PTPRF: variants seen among roughly 807,000 people sequenced by gnomAD.
PTPRF encodes protein tyrosine phosphatase receptor type F.
In PTPRF, 59 loss-of-function variants were observed where a neutral mutation model predicts 201.8. The observed-to-expected ratio is 0.29, with a 90% confidence interval of 0.24 to 0.36. The LOEUF is 0.36. PTPRF is among the 10% of genes least tolerant of loss of function. PTPRF has a pLI of 1.00. For missense variants in PTPRF, 2,132 were observed against 2,690.5 expected, an observed-to-expected ratio of 0.79 and a Z score of 4.59; for synonymous variants, 1,088 against 1,089.7, an observed-to-expected ratio of 1.00 and a Z score of 0.03.
intron 23 of PTPRF, among the ~76,000 whole-genome samples, chr1:43,616,412 G>A (rs559293787): frequency 6.6e-6 from 1 of 152,008 alleles, no homozygotes; most frequent in East Asian, 1.9e-4. Flanking sequence ...CATTTTGGAA[G>A]GATTATTCTG....
At chr1:43,609,268 G>A (rs1448333240) in intron 21 of PTPRF, 115 bp from the exon 22 acceptor site, 6 of 763,172 alleles carry the variant, frequency 7.9e-6, no homozygotes, top group Non-Finnish European at 1.1e-5. Context: ...GAAGAGGTGG[G>A]GCAGTAGGAG....
chr1:43,588,815 C>T lies in PTPRF; in HGVS notation c.764C>T (p.Ala255Val). The change falls in exon 8 of 34, where the codon GCA becomes GTA. Residue 255 changes from alanine to valine, a missense_variant. Physicochemically the swap from Ala to Val is moderately conservative, Grantham distance 64 (BLOSUM62 0). Around this residue, in one of 6 missense-constraint regions of PTPRF, gnomAD observed 297 missense variants for 454.0 expected, o/e 0.65. Transcript: ENST00000359947. This position sits in a 1 kb window ranked among gnomAD's most constrained non-coding sequence, Gnocchi z 5.3. The part of the protein sequence containing the change: ...PGGSVNLTCV[A>V]VGAPMPYVKW... ...GGCAGCGTGAACCTGACATGCGTGG[C>T]AGTGGGTGCACCCATGCCCTACGTG... is the stretch of plus-strand genomic sequence containing the variant. 2 of 1,614,092 alleles carry T rather than the reference C, an allele frequency of 1.2e-6. No individual in the cohort carries two copies. The highest frequency in any genetic ancestry group is 1.7e-6 in the Non-Finnish European group (2 of 1,180,038).
intron 3 of PTPRF, among the ~76,000 whole-genome samples, chr1:43,551,079 G>A (rs1039360576): frequency 2.0e-5 from 3 of 152,138 alleles, no homozygotes; most frequent in Non-Finnish European, 2.9e-5. Flanking sequence ...GCGGGGTGTC[G>A]GGGGAGGCTG....
chr1:43,613,078 G>C lies in PTPRF; in HGVS notation c.3974-540G>C, dbSNP rs886396434. The C allele has an allele frequency of 2.8e-5, 10 of 354,042 alleles. No individual in the cohort carries two copies. The East Asian group carries it at 5.2e-4, about 19-fold the overall frequency. 21.9% of individuals were successfully genotyped at this position (354,042 alleles called of 1,614,324 possible). On this transcript the variant is annotated intron_variant, in intron 22 of 33. Transcript: ENST00000359947. ...CGGCCTGACACCCTTCCTTCTGCGT[G>C]CCTCTACCTCTCATCTCCTCTCCTC...
Position 43,603,283 on chromosome 1 carries a change from T to C in PTPRF, c.2341-133T>C. ...CTCTCCAGCAGAGGCCACCATTGTA[T>C]AGCCCCACCTTCCACAACCCCTGGC... is the stretch of plus-strand genomic sequence containing the variant. On this transcript the variant is annotated intron_variant, in intron 14 of 33. Coordinates refer to ENST00000359947, the MANE Select transcript of PTPRF (RefSeq NM_002840.5). This position sits in a 1 kb window ranked among gnomAD's most constrained non-coding sequence, Gnocchi z 5.8. 1 of 769,604 alleles carries C rather than the reference T, an allele frequency of 1.3e-6. No homozygotes were observed. Among genetic ancestry groups the C allele is most frequent in the Non-Finnish European group, 2.2e-6 (1 of 453,366 alleles). 47.7% of individuals were successfully genotyped at this position (769,604 alleles called of 1,614,324 possible). A position where few individuals can be genotyped will look rare whatever the true frequency, so the allele number is the denominator to read the frequency against.
At chr1:43,595,748 G>GA (rs1281498015) in intron 11 of PTPRF, among the ~76,000 whole-genome samples, 2 of 152,058 alleles carry the variant, frequency 1.3e-5, no homozygotes, top group African/African-American at 2.4e-5. Flanking sequence ...CAAGTACGGT[G>GA]GGGGGGTTGT....
chr1:43,581,683 A>G (rs967494361), intron 7 of PTPRF, among the ~76,000 whole-genome samples: 5 of 152,200 alleles, frequency 3.3e-5, no homozygotes, highest in African/African-American at 1.2e-4. Flanking sequence ...CCAGCTCTGC[A>G]TCCTGAGCCC....
intron 2 of PTPRF, among the ~76,000 whole-genome samples, chr1:43,544,798 T>TC (rs1168660037): frequency 1.3e-5 from 2 of 151,998 alleles, no homozygotes; most frequent in African/African-American, 4.8e-5. Context: ...TCTTTCTCCC[T>TC]CCACCGTGAC....
At chr1:43,579,473 G>A (rs1647171008) in intron 7 of PTPRF, 1 of 343,192 alleles carries the variant, frequency 2.9e-6, no homozygotes, top group Non-Finnish European at 5.7e-6. Context: ...GTGTTCAGCT[G>A]TGAGCCCCTG....
intron 21 of PTPRF, 59 bp from the exon 22 acceptor site, chr1:43,609,324 T>G (rs926558139): frequency 7.1e-7 from 1 of 1,399,900 alleles, no homozygotes; most frequent in Non-Finnish European, 1.0e-6. Context: ...AGCCATGCCA[T>G]GTGTCACTGT....
chr1:43,542,260 C>T lies in PTPRF; in HGVS notation c.-45-2771C>T, dbSNP rs1429223209. On this transcript the variant is annotated intron_variant, in intron 2 of 33. Coordinates refer to ENST00000359947, the MANE Select transcript of PTPRF (RefSeq NM_002840.5). The surrounding 1 kb of genome is among the most constrained non-coding windows in gnomAD (Gnocchi z 5.2). Reference sequence around the variant, plus strand: ...CTCAGGGCGGGAGGCAGCTTGCTCTCGCCAGGAGCTGGTGAGGGAGAGGCC... The same window carrying T: ...CTCAGGGCGGGAGGCAGCTTGCTCTTGCCAGGAGCTGGTGAGGGAGAGGCC... Among the ~76,000 whole-genome samples, 4 of 152,138 alleles carry T rather than the reference C, an allele frequency of 2.6e-5. No homozygotes were observed. Among genetic ancestry groups the T allele is most frequent in the South Asian group, 2.1e-4 (1 of 4,830 alleles).
intron 6 of PTPRF, among the ~76,000 whole-genome samples, chr1:43,573,509 G>T (rs1646711235): frequency 6.6e-6 from 1 of 152,216 alleles, no homozygotes; most frequent in Admixed American, 6.5e-5. Flanking sequence ...GGGACGCAGA[G>T]GGCTTGCAGC....
chr1:43,541,225 T>G (rs1258662301), intron 2 of PTPRF, among the ~76,000 whole-genome samples: 1 of 152,246 alleles, frequency 6.6e-6, no homozygotes, highest in Non-Finnish European at 1.5e-5. Context: ...ATTTGGAGAC[T>G]AATTAATATT....
intron 11 of PTPRF, among the ~76,000 whole-genome samples, chr1:43,594,106 T>A (rs1651598648): frequency 6.6e-6 from 1 of 152,214 alleles, no homozygotes; most frequent in Admixed American, 6.5e-5. Flanking sequence ...GCCAGCCCTG[T>A]ACCGTGCATG....
At chr1:43,560,271 G>T (rs1007467984) in intron 5 of PTPRF, among the ~76,000 whole-genome samples, 2 of 151,510 alleles carry the variant, frequency 1.3e-5, no homozygotes, top group Non-Finnish European at 2.9e-5. Context: ...GTGTACATGC[G>T]CACACGCAAC....
Position 43,592,447 on chromosome 1 carries a change from C to T in PTPRF, c.1669-10C>T. The T allele has an allele frequency of 6.2e-7, 1 of 1,600,232 alleles. No homozygotes were observed. Among genetic ancestry groups the T allele is most frequent in the Non-Finnish European group, 8.5e-7 (1 of 1,173,232 alleles). Reference sequence around the variant, plus strand: ...CAGAGCTGTCAGTGAGTGCTCCCTGCTCTTCCCAGCACAAGGTGACCTTCG... The same window carrying T: ...CAGAGCTGTCAGTGAGTGCTCCCTGTTCTTCCCAGCACAAGGTGACCTTCG... On this transcript the variant is annotated splice_polypyrimidine_tract_variant and intron_variant, in intron 10 of 33. Coordinates refer to ENST00000359947, the MANE Select transcript of PTPRF (RefSeq NM_002840.5).
At chr1:43,621,674 G>A (rs1025943233) in intron 33 of PTPRF, among the ~76,000 whole-genome samples, 6 of 152,322 alleles carry the variant, frequency 3.9e-5, no homozygotes, top group Middle Eastern at 3.4e-3. Flanking sequence ...CTTATGGGGT[G>A]CCCAGTCAGG....
At chr1:43,575,899 T>C in intron 6 of PTPRF, 1 of 1,362,590 alleles carries the variant, frequency 7.3e-7, no homozygotes, top group South Asian at 1.1e-5. Flanking sequence ...GCATTCAAAT[T>C]ACCTCGCCAG....
At chr1:43,598,271 C>A in intron 12 of PTPRF, 1 of 512,128 alleles carries the variant, frequency 2.0e-6, no homozygotes, top group Non-Finnish European at 3.4e-6. Context: ...CCTTCACAGG[C>A]TAAGATGGGA....
Sources: gnomAD v4.1 joint callset for allele counts (sites outside exome capture counted in the v4.1 genomes callset) on GRCh38, gnomAD v4.1.1 for gene constraint, gnomAD v4.1.1 regional missense constraint, Gnocchi (gnomAD v3.1) non-coding constraint, MANE v1.5 for transcripts, NCBI Gene and HGNC (gene_info 2026-07-23, HGNC 2026-07-21) for gene names.